TMEM229B: variants seen among roughly 807,000 people sequenced by gnomAD.
TMEM229B encodes the protein chromosome 14 open reading frame 83.
A neutral mutation model predicts 13.7 loss-of-function variants in TMEM229B; 6 were observed. The ratio of observed to expected loss-of-function variants is 0.44; its 90% CI spans 0.24 to 0.86. TMEM229B has a LOEUF of 0.86. Among genes scored for constraint, TMEM229B ranks in the 40% least tolerant of loss-of-function variants. TMEM229B has a pLI of 0.23. For synonymous variants in TMEM229B, 107 were observed against 102.1 expected (o/e 1.05, Z -0.29); for missense variants, 170 against 236.0 (o/e 0.72, Z 1.83).
upstream of TMEM229B, among the ~76,000 whole-genome samples, chr14:67,519,720 T>TG (rs1220823330): frequency 6.6e-6 from 1 of 151,616 alleles, no homozygotes; most frequent in Non-Finnish European, 1.5e-5. Flanking sequence ...GTTTGTTTTT[T>TG]TTTTTTTTTA....
At chr14:67,478,164 C>G (rs955458281) in intron 2 of TMEM229B, among the ~76,000 whole-genome samples, 20 of 152,242 alleles carry the variant, frequency 1.3e-4, no homozygotes, top group Non-Finnish European at 2.1e-4. Context: ...CCACCTGTCT[C>G]TCATCCTCCT....
At chr14:67,485,823 C>T (rs1230398711) in intron 2 of TMEM229B, among the ~76,000 whole-genome samples, 1 of 152,222 alleles carries the variant, frequency 6.6e-6, no homozygotes, top group African/African-American at 2.4e-5. Flanking sequence ...GAGCTTGTCT[C>T]GCTGAGGAGG....
chr14:67,480,941 CAAG>C (rs1424352828), intron 2 of TMEM229B, among the ~76,000 whole-genome samples: 1 of 152,100 alleles, frequency 6.6e-6, no homozygotes, highest in Admixed American at 6.5e-5. Flanking sequence ...GGAGCAGAAG[CAAG>C]AAGAAAGGGG....
intron 1 of TMEM229B, among the ~76,000 whole-genome samples, chr14:67,494,263 T>C (rs1158636622): frequency 1.3e-5 from 2 of 152,194 alleles, no homozygotes; most frequent in Admixed American, 1.3e-4. Context: ...TGAAAATAAT[T>C]AACATTCCTT....
intron 1 of TMEM229B, among the ~76,000 whole-genome samples, chr14:67,526,913 C>A (rs1337424242): frequency 1.3e-5 from 2 of 152,162 alleles, no homozygotes; most frequent in African/African-American, 4.8e-5. Context: ...CCCTGACACA[C>A]CATCGAAAAC....
At chr14:67,503,681 A>C (rs956235754) in intron 1 of TMEM229B, 5 of 65,062 alleles carry the variant, frequency 7.7e-5, no homozygotes, top group African/African-American at 1.7e-4. Context: ...GCCTCAGCTT[A>C]CTTTTTTTAA....
In TMEM229B at chr14:67,473,457, G is replaced by C; in HGVS notation, c.467C>G (p.Ala156Gly). Residue 156 changes from alanine to glycine, a missense_variant, in exon 3 of 3, where the codon GCC becomes GGC. Ala to Gly is a moderately conservative substitution (Grantham distance 60, BLOSUM62 0). This residue lies in a region of TMEM229B where 70 missense variants were observed against 60.9 expected (regional missense o/e 1.15). Transcript: ENST00000554480. The surrounding 1 kb of genome is among the most constrained non-coding windows in gnomAD (Gnocchi z 6.5). The stretch of plus-strand genomic sequence containing the variant: ...GACATGGCCGTTGGCCAGGGCTAGG[G>C]CGCCGCTGGGCTCCCCGGGCTCAGC... ...KDAEPGEPSG[A>G]LALANGHVKT... is the part of the protein sequence containing the mutation. 6.2e-7 allele frequency: 1 copy of C among 1,614,168 alleles called. No individual in the cohort carries two copies. Among genetic ancestry groups the C allele is most frequent in the Non-Finnish European group, 8.5e-7 (1 of 1,180,026 alleles).
At chr14:67,478,970 A>G (rs1458732614) in intron 2 of TMEM229B, among the ~76,000 whole-genome samples, 1 of 152,238 alleles carries the variant, frequency 6.6e-6, no homozygotes, top group African/African-American at 2.4e-5. Flanking sequence ...AAAGGCATGC[A>G]TATGTGCACA....
At chr14:67,483,545 C>T (rs981359178) in intron 2 of TMEM229B, among the ~76,000 whole-genome samples, 4 of 152,222 alleles carry the variant, frequency 2.6e-5, no homozygotes, top group African/African-American at 7.2e-5. Context: ...CATTAACAAA[C>T]TTCCCAACTG....
intron 1 of TMEM229B, among the ~76,000 whole-genome samples, chr14:67,487,395 C>G (rs375764202): frequency 6.6e-6 from 1 of 152,182 alleles, no homozygotes; most frequent in Non-Finnish European, 1.5e-5. Context: ...ATCCACATGT[C>G]CAGGGTTAGG....
At chr14:67,485,461 G>T (rs2031820188) in intron 2 of TMEM229B, among the ~76,000 whole-genome samples, 2 of 152,188 alleles carry the variant, frequency 1.3e-5, no homozygotes, top group Non-Finnish European at 2.9e-5. Context: ...AAAAAGACCT[G>T]ATTACCCCTT....
chr14:67,508,766 A>AAAAAAAAAAAAAAAAAAAAC (rs1225338197), intron 1 of TMEM229B, among the ~76,000 whole-genome samples: 2 of 150,780 alleles, frequency 1.3e-5, no homozygotes, highest in Admixed American at 6.6e-5. Context: ...AAAAAAAAAA[A>AAAAAAAAAAAAAAAAAAAAC]AAAAACAGAA....
At chr14:67,496,570 G>A (rs528073813) in intron 1 of TMEM229B, among the ~76,000 whole-genome samples, 25 of 152,026 alleles carry the variant, frequency 1.6e-4, no homozygotes, top group African/African-American at 3.6e-4. Flanking sequence ...GCTGCTGGAA[G>A]AGAAGTAGAC....
chr14:67,500,795 T>G (rs2140191907), intron 1 of TMEM229B, among the ~76,000 whole-genome samples: 1 of 151,778 alleles, frequency 6.6e-6, no homozygotes, highest in South Asian at 2.1e-4. Flanking sequence ...ATGGTCTCGA[T>G]CTCCTGAACT....
At chr14:67,501,399 C>G (rs1183568662) in intron 1 of TMEM229B, among the ~76,000 whole-genome samples, 3 of 151,980 alleles carry the variant, frequency 2.0e-5, no homozygotes, top group South Asian at 2.1e-4. Context: ...GGATCTTGCT[C>G]TGTTGGCCAG....
At chr14:67,509,162 G>C (rs2032941950) in intron 1 of TMEM229B, among the ~76,000 whole-genome samples, 1 of 152,144 alleles carries the variant, frequency 6.6e-6, no homozygotes, top group Non-Finnish European at 1.5e-5. Context: ...CAAGCAGAAA[G>C]CGTGTTCCCT....
chr14:67,497,038 C>T (rs563235699), intron 1 of TMEM229B, among the ~76,000 whole-genome samples: 11 of 152,118 alleles, frequency 7.2e-5, no homozygotes, highest in African/African-American at 1.2e-4. Flanking sequence ...GTGATCGGCC[C>T]GCCTCAGCCT....
rs1457854113 is a variant in TMEM229B, at chr14:67,471,637, G to C, written c.*1783C>G. 6.6e-6 allele frequency: 1 copy of C among 152,214 alleles called. No individual in the cohort carries two copies. The highest frequency in any genetic ancestry group is 2.4e-5 in the African/African-American group (1 of 41,440). 9.4% of individuals were successfully genotyped at this position (152,214 alleles called of 1,614,324 possible). On this transcript the variant is annotated 3_prime_UTR_variant, in exon 3 of 3. Transcript: ENST00000554480. The stretch of plus-strand genomic sequence containing the variant: ...TTTGAGGAGCCTGCCCAGGAAATAG[G>C]CTAGGAAATACCCTTCGTTCTGCTC...
intron 1 of TMEM229B, among the ~76,000 whole-genome samples, chr14:67,496,736 CTCTT>C (rs1047185783): frequency 1.0e-4 from 15 of 144,592 alleles, no homozygotes; most frequent in Admixed American, 5.8e-4. Flanking sequence ...CTCTCTCTCT[CTCTT>C]TCTTTCCTTC....
Sources: gnomAD v4.1 joint callset for allele counts (sites outside exome capture counted in the v4.1 genomes callset) on GRCh38, gnomAD v4.1.1 for gene constraint, gnomAD v4.1.1 regional missense constraint, Gnocchi (gnomAD v3.1) non-coding constraint, MANE v1.5 for transcripts, NCBI Gene and HGNC (gene_info 2026-07-23, HGNC 2026-07-21) for gene names.